The following SEZ6L variants were observed in gnomAD, a reference collection of about 807,000 sequenced individuals.
SEZ6L encodes seizure related 6 homolog like, also known as seizure 6-like protein.
In SEZ6L, 37 loss-of-function variants were observed where a neutral mutation model predicts 106.2. The ratio of observed to expected loss-of-function variants is 0.35; its 90% confidence interval spans 0.27 to 0.46. SEZ6L has a LOEUF of 0.46. Ranked by LOEUF, SEZ6L falls within the 20% of genes least tolerant of loss-of-function variation. SEZ6L has a pLI of 1.00. For synonymous variants in SEZ6L, 541 were observed against 570.4 expected, an observed-to-expected ratio of 0.95 and a Z score of 0.73; for missense variants, 1,172 against 1,332.8, an observed-to-expected ratio of 0.88 and a Z score of 1.88.
At chr22:26,258,010 T>G (rs947650317) in intron 1 of SEZ6L, among the ~76,000 whole-genome samples, 5 of 152,294 alleles carry the variant, frequency 3.3e-5, no homozygotes, top group Middle Eastern at 3.4e-3. Flanking sequence ...GCCAGCCAGC[T>G]GCCCTTTCCC....
intron 1 of SEZ6L, among the ~76,000 whole-genome samples, chr22:26,246,421 C>A (rs1250287636): frequency 6.6e-6 from 1 of 152,090 alleles, no homozygotes; most frequent in Non-Finnish European, 1.5e-5. Flanking sequence ...GAAAATGGGG[C>A]ACACTGCTTT....
intron 5 of SEZ6L, among the ~76,000 whole-genome samples, chr22:26,301,227 GCTTTCTGAGCCAGCAGA>G (rs565988716): frequency 9.7e-4 from 147 of 152,310 alleles, no homozygotes; most frequent in Non-Finnish European, 1.8e-3. Flanking sequence ...AAAGAAGTGG[GCTTTCTGAGCCAGCAGA>G]CAGAATCTGA....
chr22:26,370,465 C>T (rs1357933287), intron 13 of SEZ6L, among the ~76,000 whole-genome samples: 3 of 152,102 alleles, frequency 2.0e-5, no homozygotes, highest in East Asian at 1.9e-4. Flanking sequence ...TTTGTATCTG[C>T]CACGGTAGCT....
intron 5 of SEZ6L, 29 bp downstream of exon 5, chr22:26,299,198 C>A (rs1235018391): frequency 2.2e-6 from 3 of 1,362,276 alleles, no homozygotes; most frequent in East Asian, 2.9e-5. Context: ...CGGACCAAAC[C>A]TGATGGTCCA....
intron 1 of SEZ6L, among the ~76,000 whole-genome samples, chr22:26,197,283 A>T (rs1417157282): frequency 1.3e-5 from 2 of 152,138 alleles, no homozygotes; most frequent in Admixed American, 6.5e-5. Flanking sequence ...TCTGGCACAT[A>T]GTAGGAGCTC....
chr22:26,350,868 G>A (rs1379003797), intron 11 of SEZ6L, among the ~76,000 whole-genome samples, 184 bp from the exon 12 acceptor site: 1 of 151,976 alleles, frequency 6.6e-6, no homozygotes, highest in African/African-American at 2.4e-5. Context: ...ATGTTAGCCA[G>A]GATGGTCTCG....
Position 26,310,704 on chromosome 22 carries a change from G to C in SEZ6L, c.1549G>C (p.Ala517Pro). 3.1e-6 allele frequency: 5 copies of C among 1,614,164 alleles called. No individual in the cohort carries two copies. Among genetic ancestry groups the C allele is most frequent in the Non-Finnish European group, 4.2e-6 (5 of 1,180,034 alleles). ...TCACAGCGGGCAGACCAACAAGTCA[G>C]CTCTTCTCTACGACTCCCTTCAAAC... ...TVHSGQTNKS[A>P]LLYDSLQTES... The change falls in exon 7 of 17, where the codon GCT (alanine) becomes CCT (proline). Residue 517 changes from alanine to proline, a missense_variant. By Grantham distance (27) the Ala-to-Pro change is conservative. Transcript: ENST00000248933.
chr22:26,355,437 C>T (rs978690285), intron 12 of SEZ6L, among the ~76,000 whole-genome samples: 3 of 152,162 alleles, frequency 2.0e-5, no homozygotes, highest in Admixed American at 6.5e-5. Flanking sequence ...ACTGCATAAG[C>T]CCCTGGGCCC....
chr22:26,174,375 A>C (rs1938832686), intron 1 of SEZ6L, among the ~76,000 whole-genome samples: 1 of 152,194 alleles, frequency 6.6e-6, no homozygotes, highest in Non-Finnish European at 1.5e-5. Context: ...GAAACAGAGG[A>C]GCGAGTGGGA....
intron 1 of SEZ6L, among the ~76,000 whole-genome samples, chr22:26,264,247 A>G (rs1394480524): frequency 2.6e-5 from 4 of 152,200 alleles, no homozygotes; most frequent in Non-Finnish European, 5.9e-5. Context: ...TAACTGTGAG[A>G]GTTCTGAGGT....
intron 1 of SEZ6L, among the ~76,000 whole-genome samples, chr22:26,243,185 C>T (rs2145775019): frequency 6.6e-6 from 1 of 152,320 alleles, no homozygotes; most frequent in South Asian, 2.1e-4. Flanking sequence ...TCTGCAATGA[C>T]TCAATTTCCA....
intron 1 of SEZ6L, among the ~76,000 whole-genome samples, chr22:26,252,667 C>T (rs2079640163): frequency 6.6e-6 from 1 of 152,208 alleles, no homozygotes; most frequent in African/African-American, 2.4e-5. Flanking sequence ...TGAGAACATG[C>T]AGTATTTGGC....
intron 1 of SEZ6L, among the ~76,000 whole-genome samples, chr22:26,209,987 AAGGG>A (rs143965038): frequency 1.1e-4 from 16 of 143,978 alleles, no homozygotes; most frequent in East Asian, 2.2e-4. Context: ...GGAAGGAAGG[AAGGG>A]AGGAAGGAAG....
intron 1 of SEZ6L, among the ~76,000 whole-genome samples, chr22:26,274,136 T>G (rs2080462196): frequency 6.6e-6 from 1 of 152,214 alleles, no homozygotes; most frequent in Non-Finnish European, 1.5e-5. Context: ...ATCTATAATC[T>G]ATATTGCTTT....
intron 1 of SEZ6L, among the ~76,000 whole-genome samples, chr22:26,202,236 C>G (rs1941007750): frequency 6.6e-6 from 1 of 152,114 alleles, no homozygotes; most frequent in Non-Finnish European, 1.5e-5. Context: ...TTTATTCTCT[C>G]TCATGCCTGC....
chr22:26,377,147 TAA>T (rs1302008938), intron 15 of SEZ6L, among the ~76,000 whole-genome samples: 1 of 151,700 alleles, frequency 6.6e-6, no homozygotes, highest in Non-Finnish European at 1.5e-5. Context: ...ATAAAACACT[TAA>T]AAAGTTAGCC....
intron 1 of SEZ6L, among the ~76,000 whole-genome samples, chr22:26,210,112 G>C (rs78424761): frequency 2.0e-5 from 3 of 152,170 alleles, no homozygotes; most frequent in African/African-American, 7.2e-5. Flanking sequence ...GAATTGGGAG[G>C]ATGACACTTA....
chr22:26,285,231 T>C (rs1376929795), intron 1 of SEZ6L, among the ~76,000 whole-genome samples: 1 of 152,038 alleles, frequency 6.6e-6, no homozygotes, highest in Non-Finnish European at 1.5e-5. Context: ...GTGACGAGCA[T>C]GTAATAAGTG....
chr22:26,376,647 G>A (rs2084235467), intron 15 of SEZ6L, among the ~76,000 whole-genome samples: 1 of 152,220 alleles, frequency 6.6e-6, no homozygotes, highest in Non-Finnish European at 1.5e-5. Context: ...TACTTGGGAA[G>A]CTGAGGCAGG....
Sources: allele counts gnomAD v4.1 joint callset (sites outside exome capture counted in the v4.1 genomes callset), GRCh38; gene constraint gnomAD v4.1.1; transcripts MANE v1.5; gene names NCBI Gene and HGNC (gene_info 2026-07-23, HGNC 2026-07-21).